The following ZNF507 variants were observed in gnomAD, a reference collection of about 807,000 sequenced individuals.
ZNF507 encodes the protein zinc finger protein 507.
ZNF507 carries 29 observed loss-of-function variants against 80.0 expected under a neutral mutation model. That is an observed-to-expected ratio of 0.36 (90% CI 0.27 to 0.49). The LOEUF is 0.49. ZNF507 is among the 20% of genes least tolerant of loss of function. The pLI is 0.98. For synonymous variants in ZNF507, 462 were observed against 422.5 expected (o/e 1.09, Z -1.15); for missense variants, 1,081 against 1,152.2 (o/e 0.94, Z 0.90).
Position 32,353,415 on chromosome 19 carries a change from C to G in ZNF507, c.585C>G (p.Ser195Arg). 6.2e-7 allele frequency: 1 copy of G among 1,614,164 alleles called. No individual in the cohort carries two copies. Among genetic ancestry groups the G allele is most frequent in the South Asian group, 1.1e-5 (1 of 91,080 alleles). Reference protein sequence around the residue: ...HTQSKAQQCVSPSSSLCRKTT... With the variant: ...HTQSKAQQCVRPSSSLCRKTT... The stretch of plus-strand genomic sequence containing the variant: ...AATCCAAAGCCCAACAGTGCGTAAG[C>G]CCCTCCAGCTCTTTGTGTCGGAAAA... Residue 195 changes from serine (S) to arginine (R), a missense_variant, in exon 3 of 7, where the codon AGC becomes AGG. Transcript: ENST00000355898.
At chr19:32,372,120 A>G (rs865787371) in intron 5 of ZNF507, among the ~76,000 whole-genome samples, 8 of 152,194 alleles carry the variant, frequency 5.3e-5, no homozygotes, top group South Asian at 2.1e-4. Flanking sequence ...AGGATGGAAC[A>G]TTATACCCCA....
At chr19:32,355,825 C>T (rs1204500505) in intron 3 of ZNF507, among the ~76,000 whole-genome samples, 1 of 151,926 alleles carries the variant, frequency 6.6e-6, no homozygotes, top group East Asian at 1.9e-4. Context: ...CACTGTGAAA[C>T]CCTGTCTGCT....
rs1967692013 is a variant in ZNF507 at position 32,386,490 on chromosome 19, A to G, written c.*3407A>G. On this transcript the variant is annotated 3_prime_UTR_variant, in exon 7 of 7. Coordinates refer to ENST00000355898, the MANE Select transcript of ZNF507 (RefSeq NM_001136156.2). ...TGAACATGAATACATGTATTTTTTTAAGAAATAAGTATTGTGTAACACTAT... is the reference window on the plus strand; with the variant it reads ...TGAACATGAATACATGTATTTTTTTGAGAAATAAGTATTGTGTAACACTAT... The G allele has an allele frequency of 6.6e-6, 1 of 152,628 alleles. No homozygotes were observed. Among genetic ancestry groups the G allele is most frequent in the African/African-American group, 2.4e-5 (1 of 41,456 alleles). 9.5% of individuals were successfully genotyped at this position (152,628 alleles called of 1,614,324 possible).
rs778230800 is a variant in ZNF507, at chr19:32,384,502, G to A, written c.*1419G>A. ...GCACCATCCTCACGGTGCTATTTCCGAATATCTGAATATTGATTTCTAACA... is the reference window on the plus strand; with the variant it reads ...GCACCATCCTCACGGTGCTATTTCCAAATATCTGAATATTGATTTCTAACA... On this transcript the variant is annotated 3_prime_UTR_variant, in exon 7 of 7. Transcript: ENST00000355898. 1.8e-4 allele frequency: 28 copies of A among 152,110 alleles called. No individual in the cohort carries two copies. Among genetic ancestry groups the A allele is most frequent in the Non-Finnish European group, 3.7e-4 (25 of 68,032 alleles). The allele number at this position is 152,110 out of a possible 1,614,324, so 9.4% of individuals were successfully genotyped here.
intron 5 of ZNF507, among the ~76,000 whole-genome samples, chr19:32,364,116 C>T (rs1967365759): frequency 6.6e-6 from 1 of 152,188 alleles, no homozygotes; most frequent in Non-Finnish European, 1.5e-5. Flanking sequence ...GGCTTGTTCC[C>T]ATTTTCTGCT....
Position 32,383,080 on chromosome 19 carries a change from T to C in ZNF507, c.2859T>C (p.Asn953=). The C allele has an allele frequency of 6.2e-7, 1 of 1,609,060 alleles. No individual in the cohort carries two copies. The highest frequency in any genetic ancestry group is 8.5e-7 in the Non-Finnish European group (1 of 1,176,074). ...ACCACAATACAGCTCTAAACACAAATTAGGTGGAATAATGACTCGAGCAGG... is the reference window on the plus strand; with the variant it reads ...ACCACAATACAGCTCTAAACACAAACTAGGTGGAATAATGACTCGAGCAGG... ...NKDHNTALNT[N] is the part of the protein sequence containing the mutation. The change falls in exon 7 of 7, where the codon AAT becomes AAC. Residue 953 remains asparagine, a synonymous_variant. Transcript: ENST00000355898.
intron 5 of ZNF507, among the ~76,000 whole-genome samples, chr19:32,377,488 TATTC>T (rs767786064): frequency 6.6e-6 from 1 of 152,234 alleles, no homozygotes; most frequent in Non-Finnish European, 1.5e-5. Flanking sequence ...TGATTAATGA[TATTC>T]ATATATAATC....
intron 2 of ZNF507, among the ~76,000 whole-genome samples, chr19:32,348,416 T>C (rs187342519): frequency 1.3e-5 from 2 of 152,280 alleles, no homozygotes; most frequent in African/African-American, 4.8e-5. Context: ...CAGCCTTTTC[T>C]CCAGGCCCAC....
At chr19:32,361,043 A>G (rs764077577) in intron 5 of ZNF507, among the ~76,000 whole-genome samples, 9 of 152,232 alleles carry the variant, frequency 5.9e-5, no homozygotes, top group Non-Finnish European at 7.3e-5. Context: ...TTATCTGTCA[A>G]TTTTATGTTT....
At chr19:32,361,808 G>GTTTCCTTCCTTCC (rs2145325970) in intron 5 of ZNF507, among the ~76,000 whole-genome samples, 1 of 67,430 alleles carries the variant, frequency 1.5e-5, no homozygotes, top group Non-Finnish European at 2.8e-5. Flanking sequence ...TCCTTCCTTC[G>GTTTCCTTCCTTCC]TTTCCTTCCT....
chr19:32,380,144 G>A (rs1471322658), intron 5 of ZNF507, among the ~76,000 whole-genome samples: 1 of 152,124 alleles, frequency 6.6e-6, no homozygotes, highest in Non-Finnish European at 1.5e-5. Flanking sequence ...CTGATTGTTA[G>A]TGAGATTGAA....
At chr19:32,345,864 G>T (rs1967089763) in intron 1 of ZNF507, 81 bp downstream of exon 1, 1 of 152,562 alleles carries the variant, frequency 6.6e-6, no homozygotes, top group South Asian at 2.0e-4. Context: ...GGCCTCTGCC[G>T]GCGCTCGCTT....
chr19:32,367,545 C>G (rs1466170313), intron 5 of ZNF507, among the ~76,000 whole-genome samples: 2 of 152,078 alleles, frequency 1.3e-5, no homozygotes, highest in African/African-American at 2.4e-5. Context: ...ATGTATTAAT[C>G]TTTTTCTTTG....
At chr19:32,365,459 T>G (rs1225154348) in intron 5 of ZNF507, among the ~76,000 whole-genome samples, 2 of 152,210 alleles carry the variant, frequency 1.3e-5, no homozygotes, top group Non-Finnish European at 2.9e-5. Context: ...AGAATTTTTG[T>G]AGTTTCAGGT....
intron 5 of ZNF507, among the ~76,000 whole-genome samples, chr19:32,381,656 A>G (rs1253597889): frequency 6.6e-6 from 1 of 152,154 alleles, no homozygotes. Context: ...GAATTGTACA[A>G]CACAAATAGT....
At chr19:32,368,670 A>G (rs1194076714) in intron 5 of ZNF507, among the ~76,000 whole-genome samples, 1 of 152,206 alleles carries the variant, frequency 6.6e-6, no homozygotes, top group African/African-American at 2.4e-5. Context: ...CAGGAGGAAA[A>G]AATATATATT....
At chr19:32,347,441 G>A (rs1386951044) in intron 2 of ZNF507, 103 bp downstream of exon 2, 1 of 152,160 alleles carries the variant, frequency 6.6e-6, no homozygotes, top group African/African-American at 2.4e-5. Context: ...CCACTAACAT[G>A]TTTGATAGAG....
chr19:32,367,170 AAG>A (rs1266452843), intron 5 of ZNF507, among the ~76,000 whole-genome samples: 1 of 152,188 alleles, frequency 6.6e-6, no homozygotes, highest in African/African-American at 2.4e-5. Context: ...GACATGGAGC[AAG>A]AGAGAGGGGA....
intron 5 of ZNF507, among the ~76,000 whole-genome samples, chr19:32,373,874 T>C (rs895502252): frequency 2.0e-5 from 3 of 152,176 alleles, no homozygotes; most frequent in South Asian, 2.1e-4. Context: ...AGGTTTAGCA[T>C]TGGGAGATAA....
Sources: gnomAD v4.1 joint callset for allele counts (sites outside exome capture counted in the v4.1 genomes callset) on GRCh38, gnomAD v4.1.1 for gene constraint, MANE v1.5 for transcripts, NCBI Gene and HGNC (gene_info 2026-07-23, HGNC 2026-07-21) for gene names.